EYA1: variants seen among roughly 807,000 people sequenced by gnomAD.
The protein encoded by EYA1 is protein phosphatase EYA1.
Under a neutral mutation model 82.0 loss-of-function variants are expected in EYA1, and 16 were observed. The observed-to-expected ratio is 0.20, with a 90% confidence interval of 0.13 to 0.30. The LOEUF (loss-of-function observed/expected upper bound fraction) is 0.30, where lower values mean the gene tolerates loss of function less well. Ranked by LOEUF, EYA1 falls within the 10% of genes least tolerant of loss-of-function variation. EYA1 has a pLI of 1.00. For missense variants in EYA1, 633 were observed against 730.7 expected (o/e 0.87, Z 1.54); for synonymous variants, 261 against 264.4 (o/e 0.99, Z 0.12).
intron 17 of EYA1, among the ~76,000 whole-genome samples, chr8:71,210,407 C>G (rs1411501820): frequency 6.6e-6 from 1 of 152,136 alleles, no homozygotes. Flanking sequence ...GACACAACTA[C>G]AGTGTAAGGT....
intron 2 of EYA1, among the ~76,000 whole-genome samples, chr8:71,440,183 G>C (rs1457169462): frequency 6.6e-6 from 1 of 152,128 alleles, no homozygotes; most frequent in Non-Finnish European, 1.5e-5. Context: ...CGCTCTGGCT[G>C]GAGTCAGAAG....
chr8:71,233,672 T>C (rs1811502004), intron 12 of EYA1, among the ~76,000 whole-genome samples: 1 of 152,146 alleles, frequency 6.6e-6, no homozygotes, highest in Non-Finnish European at 1.5e-5. Flanking sequence ...TTTTATAACA[T>C]ACCTCTTCTA....
intron 2 of EYA1, among the ~76,000 whole-genome samples, chr8:71,531,705 T>G (rs1814294419): frequency 6.6e-6 from 1 of 152,158 alleles, no homozygotes; most frequent in South Asian, 2.1e-4. Context: ...GCAGTTCCAC[T>G]GCCATGGCTG....
In EYA1 at chr8:71,456,782, G is replaced by T. The variant is rs1317717377; in HGVS notation, c.33+78962C>A. ...ATTCAAGATGGATTAAAGACTTAAA[G>T]GTTTGACCTAAAACCATAAAAACCC... is the stretch of plus-strand genomic sequence containing the variant. On this transcript the variant is annotated intron_variant, in intron 2 of 18. Transcript: ENST00000643681. 3.3e-5 allele frequency among the ~76,000 whole-genome samples: 5 copies of T among 151,984 alleles called. No homozygotes were observed. In the East Asian group the frequency reaches 5.8e-4, roughly 18 times the overall value.
intron 2 of EYA1, among the ~76,000 whole-genome samples, chr8:71,460,689 T>C (rs888278063): frequency 3.3e-5 from 5 of 152,230 alleles, no homozygotes; most frequent in Admixed American, 2.0e-4. Context: ...TATTGTCTTA[T>C]GCAAATGGAA....
rs189034361 is a variant in EYA1 at position 71,442,600 on chromosome 8, C to A, written c.34-86089G>T. ...CTTTTTCTGGCATCCATCAAAACTT[C>A]TGAATTTGCAGATTCTCAATTTATG... On this transcript the variant is annotated intron_variant, in intron 2 of 18. Transcript: ENST00000643681. Among the ~76,000 whole-genome samples, 5 of 152,292 alleles carry A rather than the reference C, an allele frequency of 3.3e-5. No homozygotes were observed. In the East Asian group the frequency reaches 9.6e-4, roughly 29 times the overall value.
At chr8:71,312,932 G>C (rs1244611844) in intron 7 of EYA1, among the ~76,000 whole-genome samples, 4 of 152,042 alleles carry the variant, frequency 2.6e-5, no homozygotes, top group African/African-American at 9.7e-5. Flanking sequence ...CTAATTTTCT[G>C]AACTAAACAA....
intron 12 of EYA1, among the ~76,000 whole-genome samples, chr8:71,232,256 C>T (rs553792708): frequency 1.3e-5 from 2 of 152,354 alleles, no homozygotes; most frequent in Admixed American, 6.5e-5. Context: ...TGCCCCCTGC[C>T]TCCTACTTCA....
chr8:71,343,749 T>C (rs1050698205), intron 3 of EYA1, among the ~76,000 whole-genome samples: 2 of 152,228 alleles, frequency 1.3e-5, no homozygotes, highest in African/African-American at 4.8e-5. Flanking sequence ...CAGTTGGATA[T>C]AACTAAAATG....
intron 2 of EYA1, among the ~76,000 whole-genome samples, chr8:71,420,945 A>G (rs1297232445): frequency 1.3e-5 from 2 of 152,148 alleles, no homozygotes; most frequent in African/African-American, 2.4e-5. Context: ...AAACACTTAG[A>G]CTAGGCATAC....
chr8:71,372,414 T>C (rs1828134592), intron 2 of EYA1, among the ~76,000 whole-genome samples: 1 of 152,108 alleles, frequency 6.6e-6, no homozygotes, highest in African/African-American at 2.4e-5. Context: ...TATCAAAAAG[T>C]TAACTTCCCA....
At chr8:71,472,914 G>A (rs1163768291) in intron 2 of EYA1, among the ~76,000 whole-genome samples, 1 of 151,140 alleles carries the variant, frequency 6.6e-6, no homozygotes, top group Non-Finnish European at 1.5e-5. Context: ...TATAATTGGG[G>A]TGGGAGAAGA....
At chr8:71,439,213 C>T (rs1384920033) in intron 2 of EYA1, among the ~76,000 whole-genome samples, 1 of 152,152 alleles carries the variant, frequency 6.6e-6, no homozygotes. Context: ...GGACTAGAAC[C>T]CAAAATGCTT....
chr8:71,449,418 C>G (rs886815777), intron 2 of EYA1, among the ~76,000 whole-genome samples: 11 of 152,184 alleles, frequency 7.2e-5, no homozygotes, highest in Non-Finnish European at 1.0e-4. Context: ...TCCACCAGAG[C>G]TCTTGAGTGA....
intron 2 of EYA1, among the ~76,000 whole-genome samples, chr8:71,388,535 A>G (rs1345622812): frequency 1.3e-5 from 2 of 152,228 alleles, no homozygotes; most frequent in African/African-American, 4.8e-5. Context: ...AAGAGATCCG[A>G]GGACCTTTCT....
chr8:71,482,580 A>AT (rs1284921239), intron 2 of EYA1, among the ~76,000 whole-genome samples: 1 of 152,244 alleles, frequency 6.6e-6, no homozygotes, highest in East Asian at 1.9e-4. Flanking sequence ...ACCAAATGAC[A>AT]TTTACAAGTA....
chr8:71,485,276 A>G lies in EYA1; in HGVS notation c.33+50468T>C, dbSNP rs74939370. 8.8e-3 allele frequency among the ~76,000 whole-genome samples: 1,342 copies of G among 152,326 alleles called. 17 individuals are homozygous for G. Among genetic ancestry groups the G allele is most frequent in the African/African-American group, 0.03 (1,253 of 41,574 alleles). ...CAATCAAACATTTCATATTGAGGACAACTTGTAATTTTTCATATATATAAC... is the reference window on the plus strand; with the variant it reads ...CAATCAAACATTTCATATTGAGGACGACTTGTAATTTTTCATATATATAAC... On this transcript the variant is annotated intron_variant, in intron 2 of 18. Transcript: ENST00000643681.
intron 2 of EYA1, among the ~76,000 whole-genome samples, chr8:71,443,270 G>A (rs753040832): frequency 6.6e-6 from 1 of 152,168 alleles, no homozygotes; most frequent in Admixed American, 6.5e-5. Flanking sequence ...GACAGATTAG[G>A]ATTTCAGAGA....
chr8:71,505,490 A>C (rs1326485837), intron 2 of EYA1, among the ~76,000 whole-genome samples: 1 of 152,200 alleles, frequency 6.6e-6, no homozygotes, highest in Non-Finnish European at 1.5e-5. Flanking sequence ...TTGTGGCAGG[A>C]ATAGGGGACT....
Sources: allele counts gnomAD v4.1 joint callset (sites outside exome capture counted in the v4.1 genomes callset), GRCh38; gene constraint gnomAD v4.1.1; transcripts MANE v1.5; gene names NCBI Gene and HGNC (gene_info 2026-07-23, HGNC 2026-07-21).